The following CHSY3 variants were observed in gnomAD, a reference collection of about 807,000 sequenced individuals.
CHSY3 encodes N-acetylgalactosaminyl-proteoglycan 3-beta-glucuronosyltransferase 3.
In CHSY3, 35 loss-of-function variants were observed where a neutral mutation model predicts 67.2. The observed-to-expected ratio is 0.52, with a 90% confidence interval of 0.40 to 0.69. CHSY3 has a LOEUF of 0.69. Ranked by LOEUF, CHSY3 falls within the 30% of genes least tolerant of loss-of-function variation. The pLI, the probability that CHSY3 is intolerant of heterozygous loss-of-function variation, is 0.00. For missense variants in CHSY3, 1,069 were observed against 1,138.5 expected (o/e 0.94, Z 0.88); for synonymous variants, 474 against 434.7 (o/e 1.09, Z -1.12).
intron 2 of CHSY3, among the ~76,000 whole-genome samples, chr5:129,979,199 C>CAAAAAAAAAAAAAAAAA (rs58584381): frequency 4.8e-5 from 3 of 62,526 alleles, no homozygotes; most frequent in Non-Finnish European, 5.7e-5. Flanking sequence ...GACTCCGTCT[C>CAAAAAAAAAAAAAAAAA]AAAAAAAAAA....
chr5:130,162,121 T>C (rs907535321), intron 2 of CHSY3, among the ~76,000 whole-genome samples: 22 of 151,840 alleles, frequency 1.4e-4, no homozygotes. Context: ...AATTATTTGG[T>C]CAATTAATTT....
chr5:129,948,607 G>A (rs1761934411), intron 2 of CHSY3, among the ~76,000 whole-genome samples: 2 of 152,258 alleles, frequency 1.3e-5, no homozygotes, highest in Admixed American at 6.5e-5. Context: ...ATTTTGGCTG[G>A]TTCCATATTT....
intron 2 of CHSY3, among the ~76,000 whole-genome samples, chr5:129,950,084 C>T (rs1761981515): frequency 6.6e-6 from 1 of 151,044 alleles, no homozygotes; most frequent in African/African-American, 2.4e-5. Context: ...AGGAGAATCT[C>T]TTGAACCCAG....
intron 2 of CHSY3, among the ~76,000 whole-genome samples, chr5:130,081,314 GGT>G (rs1032010540): frequency 1.3e-5 from 2 of 150,802 alleles, no homozygotes; most frequent in Non-Finnish European, 3.0e-5. Context: ...AGGATAGACA[GGT>G]GTGTGTGTTG....
chr5:130,151,633 GGAA>G (rs1769234312), intron 2 of CHSY3, among the ~76,000 whole-genome samples: 1 of 152,160 alleles, frequency 6.6e-6, no homozygotes, highest in Non-Finnish European at 1.5e-5. Context: ...TTACAGTCAT[GGAA>G]GAAGGAGAAG....
chr5:130,063,596 C>T (rs1164397568), intron 2 of CHSY3, among the ~76,000 whole-genome samples: 1 of 152,112 alleles, frequency 6.6e-6, no homozygotes, highest in African/African-American at 2.4e-5. Flanking sequence ...GTATTTTCAT[C>T]TCCCAGGAGT....
At chr5:130,010,748 A>G (rs1764031048) in intron 2 of CHSY3, among the ~76,000 whole-genome samples, 2 of 152,188 alleles carry the variant, frequency 1.3e-5, no homozygotes, top group South Asian at 4.1e-4. Flanking sequence ...GTAGACAAAT[A>G]AAATGAGATG....
chr5:130,137,647 C>G (rs1768709744), intron 2 of CHSY3, among the ~76,000 whole-genome samples: 1 of 152,154 alleles, frequency 6.6e-6, no homozygotes, highest in Non-Finnish European at 1.5e-5. Flanking sequence ...TGTTTTCCTA[C>G]TTTTATTAGA....
intron 2 of CHSY3, among the ~76,000 whole-genome samples, chr5:129,982,852 G>A (rs1401259519): frequency 6.6e-6 from 1 of 151,982 alleles, no homozygotes; most frequent in Non-Finnish European, 1.5e-5. Context: ...TAATAGAAAG[G>A]GAGAGTGATA....
At chr5:129,994,953 C>T (rs573345547) in intron 2 of CHSY3, among the ~76,000 whole-genome samples, 180 of 152,014 alleles carry the variant, frequency 1.2e-3, no homozygotes, top group Non-Finnish European at 2.1e-3. Flanking sequence ...TGCTAAATGA[C>T]GAGTTAATGG....
rs545246279 is a variant in CHSY3, at chr5:130,012,795, G to A, written c.1086+104435G>A. On this transcript the variant is annotated intron_variant, in intron 2 of 2. Transcript: ENST00000305031. Reference sequence around the variant, plus strand: ...GCCAAACCATATCATTTTGCTCCTGGCCCCTCACAAATCTCATGTCCTCAC... The same window carrying A: ...GCCAAACCATATCATTTTGCTCCTGACCCCTCACAAATCTCATGTCCTCAC... Among the ~76,000 whole-genome samples the A allele has an allele frequency of 4.6e-5, 7 of 151,938 alleles. No homozygotes were observed. In the East Asian group the frequency reaches 1.4e-3, roughly 29 times the overall value.
intron 2 of CHSY3, among the ~76,000 whole-genome samples, chr5:130,101,364 T>C (rs954164546): frequency 2.0e-5 from 3 of 152,168 alleles, no homozygotes; most frequent in Admixed American, 2.0e-4. Flanking sequence ...TATTACAAGC[T>C]TCTCAGAAAC....
intron 2 of CHSY3, among the ~76,000 whole-genome samples, chr5:130,028,843 C>T (rs1017229348): frequency 6.6e-6 from 1 of 151,820 alleles, no homozygotes; most frequent in African/African-American, 2.4e-5. Flanking sequence ...TGTTTTATCT[C>T]ATTATCATTC....
intron 2 of CHSY3, among the ~76,000 whole-genome samples, chr5:130,085,576 A>C (rs1284097976): frequency 6.6e-6 from 1 of 151,986 alleles, no homozygotes; most frequent in African/African-American, 2.4e-5. Context: ...GGATTCATTA[A>C]TTTTTTGAAG....
At chr5:130,013,504 C>T (rs897280640) in intron 2 of CHSY3, among the ~76,000 whole-genome samples, 4 of 152,214 alleles carry the variant, frequency 2.6e-5, no homozygotes, top group Non-Finnish European at 4.4e-5. Context: ...GGTTCCCCAA[C>T]CACAGTTCTT....
intron 2 of CHSY3, among the ~76,000 whole-genome samples, chr5:129,941,405 C>T (rs940169223): frequency 2.0e-5 from 3 of 151,872 alleles, no homozygotes; most frequent in Non-Finnish European, 1.5e-5. Flanking sequence ...TGAGACAGGG[C>T]CATATTATCA....
Position 129,984,917 on chromosome 5 carries a change from A to G in CHSY3, c.1086+76557A>G, listed in dbSNP as rs530282378. ...TGTTTAAGTTCCTTGGAAGTTGTGG[A>G]TATTAGACCTTTGAGGAATGCATAA... On this transcript the variant is annotated intron_variant, in intron 2 of 2. Coordinates refer to ENST00000305031, the MANE Select transcript of CHSY3 (RefSeq NM_175856.5). Among the ~76,000 whole-genome samples the G allele has an allele frequency of 1.9e-3, 292 of 152,072 alleles. 1 individual carries two copies. Among genetic ancestry groups the G allele is most frequent in the African/African-American group, 6.5e-3 (270 of 41,476 alleles).
At chr5:129,962,976 C>T (rs1437570889) in intron 2 of CHSY3, among the ~76,000 whole-genome samples, 2 of 151,864 alleles carry the variant, frequency 1.3e-5, no homozygotes, top group Non-Finnish European at 2.9e-5. Flanking sequence ...ATATTCTGCT[C>T]CTGGTGTTCT....
At chr5:130,001,418 G>T in intron 2 of CHSY3, 1 of 869,718 alleles carries the variant, frequency 1.1e-6, no homozygotes, top group South Asian at 5.3e-5. Flanking sequence ...GGCTGCTGAA[G>T]AAATTACCAG....
Sources: allele counts gnomAD v4.1 joint callset (sites outside exome capture counted in the v4.1 genomes callset), GRCh38; gene constraint gnomAD v4.1.1; transcripts MANE v1.5; gene names NCBI Gene and HGNC (gene_info 2026-07-23, HGNC 2026-07-21).